The following METTL4 variants were observed in gnomAD, a reference collection of about 807,000 sequenced individuals.
The protein encoded by METTL4 is N(6)-adenine-specific methyltransferase METTL4.
Under a neutral mutation model 54.0 loss-of-function variants are expected in METTL4, and 40 were observed. The observed-to-expected ratio is 0.74, with a 90% confidence interval of 0.58 to 0.96. The LOEUF is 0.96. Among genes scored for constraint, METTL4 ranks in the 50% least tolerant of loss-of-function variants. The pLI is 0.00. For synonymous variants in METTL4, 169 were observed against 183.8 expected (o/e 0.92, Z 0.65); for missense variants, 525 against 549.0 (o/e 0.96, Z 0.44).
rs144900849 is a variant in METTL4 at position 2,552,084 on chromosome 18, T to C, written c.899+611A>G. 2.8e-3 allele frequency among the ~76,000 whole-genome samples: 424 copies of C among 152,106 alleles called. 3 individuals carry two copies. Among genetic ancestry groups the C allele is most frequent in the African/African-American group, 9.6e-3 (398 of 41,494 alleles). On this transcript the variant is annotated intron_variant, in intron 5 of 8. Coordinates refer to ENST00000574538, the MANE Select transcript of METTL4 (RefSeq NM_022840.5). ...GGCGTGCGCCTGTACTCCCAGCTAC[T>C]CGGGAGGCTGAGGAAGAAGAATCGC...
rs2072431907 is a variant in METTL4, at chr18:2,567,085, G to A, written c.132C>T (p.His44=). 5 of 1,614,180 alleles carry A rather than the reference G, an allele frequency of 3.1e-6. No individual in the cohort carries two copies. Among genetic ancestry groups the A allele is most frequent in the Non-Finnish European group, 4.2e-6 (5 of 1,180,026 alleles). The change falls in exon 2 of 9, where the codon CAC becomes CAT. Residue 44 remains histidine (H), a synonymous_variant. Coordinates refer to ENST00000574538, the MANE Select transcript of METTL4 (RefSeq NM_022840.5). Reference sequence around the variant, plus strand: ...CAGAATCCATTTGAAGAGACTCAAAGTGAACAGAAGTAGTGAACTCCTTTT... The same window carrying A: ...CAGAATCCATTTGAAGAGACTCAAAATGAACAGAAGTAGTGAACTCCTTTT... ...CRKKEFTTSV[H]FESLQMDSVS... is the part of the protein sequence containing the mutation.
chr18:2,559,587 T>A (rs2072286384), intron 3 of METTL4, among the ~76,000 whole-genome samples: 1 of 152,278 alleles, frequency 6.6e-6, no homozygotes, highest in South Asian at 2.1e-4. Context: ...ACGTATATTT[T>A]ACCTATTTAA....
At chr18:2,544,375 C>A in intron 7 of METTL4, 89 bp from the exon 8 acceptor site, 1 of 925,726 alleles carries the variant, frequency 1.1e-6, no homozygotes, top group Non-Finnish European at 1.6e-6. Flanking sequence ...TGTTCTCTTT[C>A]TGTATCTGAT....
intron 3 of METTL4, chr18:2,561,417 T>C (rs2072314805): frequency 6.6e-6 from 1 of 152,054 alleles, no homozygotes; most frequent in Non-Finnish European, 1.5e-5. Context: ...AAACAAAACG[T>C]GAGCAAATGG....
At chr18:2,560,752 G>C (rs184507103) in intron 3 of METTL4, among the ~76,000 whole-genome samples, 9 of 151,854 alleles carry the variant, frequency 5.9e-5, no homozygotes, top group Non-Finnish European at 1.0e-4. Flanking sequence ...AGTGGCGGGC[G>C]CCTGTAATCC....
chr18:2,547,859 C>G (rs1013304435), intron 5 of METTL4, among the ~76,000 whole-genome samples: 1 of 152,126 alleles, frequency 6.6e-6, no homozygotes, highest in African/African-American at 2.4e-5. Context: ...ATCCCATACT[C>G]TACGTTACAC....
intron 3 of METTL4, among the ~76,000 whole-genome samples, chr18:2,562,466 T>C (rs1239005452): frequency 1.3e-5 from 2 of 152,152 alleles, no homozygotes; most frequent in African/African-American, 4.8e-5. Context: ...AACAGATACT[T>C]GTACACCAAT....
chr18:2,548,410 A>G (rs1034578736), intron 5 of METTL4, among the ~76,000 whole-genome samples: 37 of 152,040 alleles, frequency 2.4e-4, no homozygotes, highest in African/African-American at 8.9e-4. Flanking sequence ...TATGCTATCC[A>G]GCTATGTTAA....
chr18:2,539,469 CTTTA>C (rs138140307), intron 8 of METTL4, among the ~76,000 whole-genome samples: 2 of 139,946 alleles, frequency 1.4e-5, no homozygotes, highest in African/African-American at 5.3e-5. Flanking sequence ...TGAGTATTAA[CTTTA>C]TTTATTTAAT....
At chr18:2,557,670 C>A (rs1001952419) in intron 3 of METTL4, among the ~76,000 whole-genome samples, 1 of 152,172 alleles carries the variant, frequency 6.6e-6, no homozygotes, top group Non-Finnish European at 1.5e-5. Flanking sequence ...TTGCTGCATG[C>A]ATAGGAAACC....
Position 2,539,808 on chromosome 18 carries a change from T to A in METTL4, c.1274-663A>T, listed in dbSNP as rs1217705938. 10 of 938,250 alleles carry A rather than the reference T, an allele frequency of 1.1e-5. No individual in the cohort carries two copies. In the Admixed American group the frequency reaches 2.8e-4, roughly 27 times the overall value. The allele number at this position is 938,250 out of a possible 1,614,324, so 58.1% of individuals were successfully genotyped here. A position where few individuals can be genotyped will look rare whatever the true frequency, so the allele number is the denominator to read the frequency against. ...ATTTATTTTTAATAAATATAACCCA[T>A]ACATGAAAAAGAGCTCTAAAAAAAA... On this transcript the variant is annotated intron_variant, in intron 8 of 8. Coordinates refer to ENST00000574538, the MANE Select transcript of METTL4 (RefSeq NM_022840.5).
rs1183689101 is a variant in METTL4, at chr18:2,554,679, T to C, written c.819A>G (p.Pro273=). ...ACAATAATTACTTACAGTTTAGAAG[T>C]GGTTGCATACAAGAAATGTCAGATA... ...FLLSDISCMQ[P]LLNYRKTFDV... Residue 273 remains proline, a synonymous_variant, in exon 4 of 9, where the codon CCA becomes CCG. Coordinates refer to ENST00000574538, the MANE Select transcript of METTL4 (RefSeq NM_022840.5). The C allele has an allele frequency of 1.7e-5, 28 of 1,603,266 alleles. No individual in the cohort carries two copies. The highest frequency in any genetic ancestry group is 2.2e-5 in the Non-Finnish European group (26 of 1,177,584).
chr18:2,567,749 C>G (rs1224258740), intron 1 of METTL4, 95 bp from the exon 2 acceptor site: 3 of 152,282 alleles, frequency 2.0e-5, no homozygotes, highest in African/African-American at 7.2e-5. Flanking sequence ...TCAGAAGGTG[C>G]TGTTAGCAGG....
At chr18:2,540,664 A>C (rs1043016794) in intron 8 of METTL4, 5 of 985,310 alleles carry the variant, frequency 5.1e-6, no homozygotes, top group Non-Finnish European at 6.0e-6. Context: ...AAATGCTACT[A>C]ACCTTGAAAG....
In METTL4 at chr18:2,554,808, T is replaced by G. The variant is rs34143130; in HGVS notation, c.690A>C (p.Glu230Asp). The G allele has an allele frequency of 0.052, 83,270 of 1,613,630 alleles. 3,962 individuals are homozygous for G. The highest frequency in any genetic ancestry group is 0.24 in the African/African-American group (17,734 of 74,946). The part of the protein sequence containing the change: ...QLVEEDTSVT[E>D]QDLFLRVVEN... ...CAACAACTCGCAAAAATAAATCCTG[T>G]TCTGTAACAGATGTATCCTCTTCCA... The change falls in exon 4 of 9, where the codon GAA becomes GAC. Residue 230 changes from glutamate to aspartate, a missense_variant. Coordinates refer to ENST00000574538, the MANE Select transcript of METTL4 (RefSeq NM_022840.5).
chr18:2,566,963 T>A lies in METTL4; in HGVS notation c.254A>T (p.Lys85Ile). Reference sequence around the variant, plus strand: ...AAACAGTTCAGGTCGAAAAACAAATTTTCGTGTGAACATTTCATAATTTCC... The same window carrying A: ...AAACAGTTCAGGTCGAAAAACAAATATTCGTGTGAACATTTCATAATTTCC... Reference protein sequence around the residue: ...DGGNYEMFTRKFVFRPELFDV... With the variant: ...DGGNYEMFTRIFVFRPELFDV... The change falls in exon 2 of 9, where the codon AAA becomes ATA. Residue 85 changes from lysine to isoleucine, a missense_variant. Coordinates refer to ENST00000574538, the MANE Select transcript of METTL4 (RefSeq NM_022840.5). 2 of 1,614,160 alleles carry A rather than the reference T, an allele frequency of 1.2e-6. No homozygotes were observed. The highest frequency in any genetic ancestry group is 8.5e-7 in the Non-Finnish European group (1 of 1,180,016).
At chr18:2,566,652 T>C (rs1337726107) in intron 2 of METTL4, 169 bp downstream of exon 2, 4 of 437,110 alleles carry the variant, frequency 9.2e-6, no homozygotes, top group Middle Eastern at 6.3e-4. Flanking sequence ...CTTCTAAGAA[T>C]AGTTGAAGCT....
intron 7 of METTL4, 85 bp downstream of exon 7, chr18:2,544,568 T>A (rs1338401695): frequency 5.5e-6 from 5 of 915,650 alleles, no homozygotes; most frequent in African/African-American, 5.1e-5. Flanking sequence ...AACATAAACA[T>A]TTTAAAAAGT....
intron 8 of METTL4, chr18:2,540,682 T>C (rs1033561928): frequency 1.8e-5 from 18 of 985,310 alleles, no homozygotes; most frequent in Non-Finnish European, 2.0e-5. Flanking sequence ...AAGAGAAAGA[T>C]TTCCCTAGAG....
Sources: allele counts gnomAD v4.1 joint callset (sites outside exome capture counted in the v4.1 genomes callset), GRCh38; gene constraint gnomAD v4.1.1; transcripts MANE v1.5; gene names NCBI Gene and HGNC (gene_info 2026-07-23, HGNC 2026-07-21).